ANKFN1: variants seen among roughly 807,000 people sequenced by gnomAD.
The protein encoded by ANKFN1 is ankyrin repeat and fibronectin type III domain containing 1.
Under a neutral mutation model 108.7 loss-of-function variants are expected in ANKFN1, and 74 were observed. The observed-to-expected ratio is 0.68, with a 90% confidence interval of 0.56 to 0.83. The LOEUF (loss-of-function observed/expected upper bound fraction) is 0.83. Among genes scored for constraint, ANKFN1 ranks in the 40% least tolerant of loss-of-function variants. ANKFN1 has a pLI of 0.00. For missense variants in ANKFN1, 1,505 were observed against 1,382.3 expected (o/e 1.09, Z -1.41); for synonymous variants, 547 against 516.2 (o/e 1.06, Z -0.81).
intron 4 of ANKFN1, among the ~76,000 whole-genome samples, chr17:56,347,842 G>A (rs2046146270): frequency 6.6e-6 from 1 of 152,028 alleles, no homozygotes; most frequent in Non-Finnish European, 1.5e-5. Context: ...GACAAAAGGG[G>A]CCATGTGGGT....
chr17:56,111,631 C>G (rs747889228), intron 4 of ANKFN1, among the ~76,000 whole-genome samples: 70 of 151,958 alleles, frequency 4.6e-4, no homozygotes, highest in Non-Finnish European at 7.5e-4. Flanking sequence ...CCAAAATAAG[C>G]ATCTTAGGTG....
intron 3 of ANKFN1, among the ~76,000 whole-genome samples, chr17:56,306,257 CTT>C (rs781769902): frequency 3.3e-5 from 5 of 152,192 alleles, no homozygotes; most frequent in Non-Finnish European, 7.3e-5. Context: ...GAATGGACAT[CTT>C]TACTATGTTG....
At chr17:56,099,616 G>A (rs1442822649) in intron 4 of ANKFN1, among the ~76,000 whole-genome samples, 1 of 152,190 alleles carries the variant, frequency 6.6e-6, no homozygotes, top group African/African-American at 2.4e-5. Context: ...TCCTGGAGAA[G>A]CCAGAAATTT....
rs572746205 is a variant in ANKFN1 at position 56,513,699 on chromosome 17, A to G, written c.*2430A>G. ...TGGACCAAAACTGCATTAATTTTAA[A>G]CCTGCTATTTTATATTGGGGACATA... On this transcript the variant is annotated 3_prime_UTR_variant, in exon 21 of 21. Transcript: ENST00000682825. 5.9e-5 allele frequency among the ~76,000 whole-genome samples: 9 copies of G among 152,292 alleles called. No individual in the cohort carries two copies. Among genetic ancestry groups the G allele is most frequent in the African/African-American group, 2.2e-4 (9 of 41,566 alleles).
chr17:56,259,321 A>G (rs1008219030), intron 3 of ANKFN1, among the ~76,000 whole-genome samples: 3 of 152,216 alleles, frequency 2.0e-5, no homozygotes, highest in Admixed American at 6.5e-5. Flanking sequence ...TCCACATCTG[A>G]AAAAGGAGAG....
rs1451760782 is a variant in ANKFN1, at chr17:56,153,680, T to G, written c.-71+150T>G. 13 of 1,072,962 alleles carry G rather than the reference T, an allele frequency of 1.2e-5. No homozygotes were observed. The East Asian group carries it at 3.2e-4, about 26-fold the overall frequency. 66.5% of individuals were successfully genotyped at this position (1,072,962 alleles called of 1,614,324 possible). The stretch of plus-strand genomic sequence containing the variant: ...TGGTCAGGCAGAGGGAAAGCTGGTT[T>G]CATTTCTGTAAACAGGCAAATGTTG... On this transcript the variant is annotated intron_variant, in intron 1 of 20. Transcript: ENST00000682825.
At chr17:56,244,212 T>G (rs771783819) in intron 3 of ANKFN1, among the ~76,000 whole-genome samples, 17 of 152,136 alleles carry the variant, frequency 1.1e-4, no homozygotes, top group Admixed American at 7.2e-4. Flanking sequence ...TGTATCAACA[T>G]GTACTATTTG....
intron 11 of ANKFN1, among the ~76,000 whole-genome samples, chr17:56,455,694 T>C (rs1369038047): frequency 6.6e-6 from 1 of 152,210 alleles, no homozygotes; most frequent in Non-Finnish European, 1.5e-5. Context: ...TTGCAAAGGC[T>C]GTTATAGGAA....
intron 4 of ANKFN1, among the ~76,000 whole-genome samples, chr17:56,104,798 G>A (rs1905712176): frequency 6.6e-6 from 1 of 152,222 alleles, no homozygotes; most frequent in Admixed American, 6.5e-5. Context: ...AGGGAGGCAG[G>A]TAGTATTGTA....
chr17:56,484,702 T>G (rs1276759853), intron 18 of ANKFN1, among the ~76,000 whole-genome samples: 2 of 152,182 alleles, frequency 1.3e-5, no homozygotes, highest in South Asian at 2.1e-4. Context: ...GCTGAAGCCA[T>G]GAAAATGAAT....
At chr17:56,220,814 GGAAGGA>G (rs1915801955) in intron 2 of ANKFN1, among the ~76,000 whole-genome samples, 3 of 71,188 alleles carry the variant, frequency 4.2e-5, no homozygotes, top group Admixed American at 1.7e-4. Flanking sequence ...GAGGGAGGAA[GGAAGGA>G]AGGAAGGAAG....
In ANKFN1 at chr17:56,404,602, C is replaced by A. The variant is rs1023144007; in HGVS notation, c.910+29888C>A. 3.3e-5 allele frequency among the ~76,000 whole-genome samples: 5 copies of A among 152,158 alleles called. No individual in the cohort carries two copies. In the East Asian group the frequency reaches 7.7e-4, roughly 23 times the overall value. The stretch of plus-strand genomic sequence containing the variant: ...TGGATTTTCTTGCATTGGGCTTCAC[C>A]TTTCTCTGGTGACTCTCCGATTAGC... On this transcript the variant is annotated intron_variant, in intron 8 of 20. Coordinates refer to ENST00000682825, the MANE Select transcript of ANKFN1 (RefSeq NM_001370326.1).
chr17:56,120,758 G>A (rs912880062), intron 4 of ANKFN1, among the ~76,000 whole-genome samples: 7 of 152,096 alleles, frequency 4.6e-5, no homozygotes, highest in Non-Finnish European at 8.8e-5. Context: ...AATTCAGGAG[G>A]TTTGAGTATT....
In ANKFN1 at chr17:56,389,258, C is replaced by T. The variant is rs887206865; in HGVS notation, c.910+14544C>T. ...CCAAACTATTTATACATACAACAAT[C>T]TGGATGAATCTTCTGAGAATTCTAC... is the stretch of plus-strand genomic sequence containing the variant. On this transcript the variant is annotated intron_variant, in intron 8 of 20. Coordinates refer to ENST00000682825, the MANE Select transcript of ANKFN1 (RefSeq NM_001370326.1). Among the ~76,000 whole-genome samples, 10 of 152,196 alleles carry T rather than the reference C, an allele frequency of 6.6e-5. 1 individual carries two copies. The highest frequency in any genetic ancestry group is 6.5e-4 in the Admixed American group (10 of 15,276).
intron 8 of ANKFN1, among the ~76,000 whole-genome samples, chr17:56,409,463 A>G (rs1219472409): frequency 6.6e-6 from 1 of 152,234 alleles, no homozygotes; most frequent in East Asian, 1.9e-4. Flanking sequence ...CAGACCAGCT[A>G]GTGGCCTCAG....
At chr17:56,341,984 C>G (rs564206249) in intron 4 of ANKFN1, among the ~76,000 whole-genome samples, 33 of 152,046 alleles carry the variant, frequency 2.2e-4, no homozygotes, top group African/African-American at 7.5e-4. Context: ...AATTTCAGAA[C>G]TCATTATTGG....
chr17:56,264,978 A>G (rs564277098), intron 3 of ANKFN1, among the ~76,000 whole-genome samples: 2 of 152,084 alleles, frequency 1.3e-5, no homozygotes, highest in South Asian at 2.1e-4. Flanking sequence ...TCACATTTTT[A>G]TGTGATAACC....
intron 4 of ANKFN1, among the ~76,000 whole-genome samples, chr17:56,130,035 T>G (rs981016495): frequency 6.6e-6 from 1 of 152,236 alleles, no homozygotes; most frequent in Non-Finnish European, 1.5e-5. Context: ...CGCTATAGAT[T>G]AGAGCCGTCC....
intron 1 of ANKFN1, among the ~76,000 whole-genome samples, chr17:56,187,049 C>A (rs540621844): frequency 3.9e-5 from 6 of 152,162 alleles, no homozygotes; most frequent in African/African-American, 1.4e-4. Flanking sequence ...TCTAAAACAC[C>A]AAAAGCAATG....
Sources: gnomAD v4.1 joint callset for allele counts (sites outside exome capture counted in the v4.1 genomes callset) on GRCh38, gnomAD v4.1.1 for gene constraint, MANE v1.5 for transcripts, NCBI Gene and HGNC (gene_info 2026-07-23, HGNC 2026-07-21) for gene names.